OPN3: variants seen among roughly 807,000 people sequenced by gnomAD.
OPN3 encodes opsin-3.
OPN3 carries 29 observed loss-of-function variants against 33.8 expected under a neutral mutation model. The observed-to-expected ratio is 0.86, with a 90% CI of 0.64 to 1.17. The LOEUF is 1.17. OPN3 is among the 50% of genes most tolerant of loss of function. The pLI is 0.00. For missense variants in OPN3, 437 were observed against 514.1 expected, an observed-to-expected ratio of 0.85 and a Z score of 1.45; for synonymous variants, 216 against 216.1, an observed-to-expected ratio of 1.00 and a Z score of 0.00.
intron 1 of OPN3, chr1:241,633,782 G>A (rs772627535): frequency 5.0e-6 from 8 of 1,612,062 alleles, no homozygotes; most frequent in East Asian, 2.2e-5. Flanking sequence ...ACAGCATTTC[G>A]AGATTGCTCT....
intron 1 of OPN3, among the ~76,000 whole-genome samples, chr1:241,610,014 C>T (rs893179534): frequency 6.6e-6 from 1 of 152,162 alleles, no homozygotes; most frequent in Non-Finnish European, 1.5e-5. Flanking sequence ...CATTTTTTGT[C>T]TTAAGTTTAA....
At chr1:241,603,341 G>C (rs755906675) in intron 2 of OPN3, among the ~76,000 whole-genome samples, 1 of 152,130 alleles carries the variant, frequency 6.6e-6, no homozygotes, top group African/African-American at 2.4e-5. Context: ...GAGACAGTAG[G>C]GTGAGAAATT....
chr1:241,622,400 C>T (rs1419857370), intron 1 of OPN3, among the ~76,000 whole-genome samples: 1 of 152,094 alleles, frequency 6.6e-6, no homozygotes, highest in Non-Finnish European at 1.5e-5. Flanking sequence ...TATAACTTGC[C>T]AAAATACTCA....
intron 1 of OPN3, among the ~76,000 whole-genome samples, chr1:241,608,704 T>C (rs993324062): frequency 1.3e-5 from 2 of 152,250 alleles, no homozygotes; most frequent in Non-Finnish European, 2.9e-5. Flanking sequence ...CTTTAACATT[T>C]ACTAATATCG....
intron 1 of OPN3, among the ~76,000 whole-genome samples, chr1:241,611,964 G>A (rs1280823903): frequency 6.6e-6 from 1 of 152,286 alleles, no homozygotes; most frequent in East Asian, 1.9e-4. Flanking sequence ...AAGGAGAGAC[G>A]AGGAAGGTCC....
At chr1:241,625,824 G>A (rs1005209819) in intron 1 of OPN3, among the ~76,000 whole-genome samples, 2 of 152,142 alleles carry the variant, frequency 1.3e-5, no homozygotes, top group Admixed American at 6.5e-5. Flanking sequence ...TCAACTTGGC[G>A]CTTATCGATA....
At position 241,640,206 on chromosome 1, in the gene OPN3, C is replaced by T; in HGVS notation, c.49G>A (p.Gly17Arg). The change falls in exon 1 of 4, where the codon GGG becomes AGG. Residue 17 changes from glycine (G) to arginine (R), a missense_variant. By Grantham distance (125) the Gly-to-Arg change is moderately radical. Transcript: ENST00000366554. The stretch of plus-strand genomic sequence containing the variant: ...GCCGGCCCCTCAGCGCCCGCGGCCC[C>T]GCCGCCGTCCCAGTAGCCGTGGCCG... ...SGGHGYWDGGGAAGAEGPAPA... is the reference protein window; with the variant it reads ...SGGHGYWDGGRAAGAEGPAPA... The T allele has an allele frequency of 2.2e-6, 3 of 1,360,808 alleles. No homozygotes were observed. The highest frequency in any genetic ancestry group is 2.8e-6 in the Non-Finnish European group (3 of 1,063,652). 84.3% of individuals were successfully genotyped at this position (1,360,808 alleles called of 1,614,324 possible).
At chr1:241,627,605 T>C (rs1558444843) in intron 1 of OPN3, among the ~76,000 whole-genome samples, 1 of 152,232 alleles carries the variant, frequency 6.6e-6, no homozygotes, top group African/African-American at 2.4e-5. Context: ...ATTTTTGTTA[T>C]AGCCAAATTC....
chr1:241,607,111 CAT>C (rs1396080525), intron 1 of OPN3, among the ~76,000 whole-genome samples: 4 of 152,226 alleles, frequency 2.6e-5, no homozygotes, highest in East Asian at 1.9e-4. Flanking sequence ...GTCTCACACA[CAT>C]GGCATCCAAT....
rs770842729 is a variant in OPN3, at chr1:241,597,810, G to A, written c.881C>T (p.Ser294Leu). The A allele has an allele frequency of 6.2e-6, 10 of 1,613,558 alleles. No homozygotes were observed. The highest frequency in any genetic ancestry group is 5.5e-5 in the South Asian group (5 of 91,046). Reference sequence around the variant, plus strand: ...AGTGTTCGATTTAGCAAAGAGGTACGAAACAATAGATATTGTTGGAGTGAC... The same window carrying A: ...AGTGTTCGATTTAGCAAAGAGGTACAAAACAATAGATATTGTTGGAGTGAC... The part of the protein sequence containing the change: ...HLVTPTISIV[S>L]YLFAKSNTVY... The change falls in exon 3 of 4, where the codon TCG becomes TTG. Residue 294 changes from serine (S) to leucine (L), a missense_variant. By Grantham distance (145) the Ser-to-Leu change is moderately radical. Coordinates refer to ENST00000366554, the MANE Select transcript of OPN3 (RefSeq NM_014322.3).
At position 241,594,156 on chromosome 1, in the gene OPN3, A is replaced by G. The variant is rs1468286073; in HGVS notation, c.*272T>C. 1 of 367,236 alleles carries G rather than the reference A, an allele frequency of 2.7e-6. No individual in the cohort carries two copies. Among genetic ancestry groups the G allele is most frequent in the Non-Finnish European group, 4.8e-6 (1 of 206,354 alleles). 22.7% of individuals were successfully genotyped at this position (367,236 alleles called of 1,614,324 possible). ...TTTAAAAAATATATTTGAAATGAAA[A>G]TCTCCAACACATTAGAAGATGATGA... On this transcript the variant is annotated 3_prime_UTR_variant, in exon 4 of 4. Transcript: ENST00000366554.
At chr1:241,595,560 C>T (rs1663481547) in intron 3 of OPN3, 1 of 152,070 alleles carries the variant, frequency 6.6e-6, no homozygotes, top group Admixed American at 6.6e-5. Flanking sequence ...AATTGTTATC[C>T]CATTATTTAG....
intron 1 of OPN3, among the ~76,000 whole-genome samples, chr1:241,605,882 T>C (rs1663817378): frequency 1.3e-5 from 2 of 152,258 alleles, no homozygotes; most frequent in African/African-American, 4.8e-5. Context: ...AACTTCTAGC[T>C]AACGTTTGTG....
chr1:241,598,667 T>A (rs1663601576), intron 2 of OPN3, among the ~76,000 whole-genome samples: 3 of 152,166 alleles, frequency 2.0e-5, no homozygotes, highest in African/African-American at 7.2e-5. Flanking sequence ...ATTAAAGGGA[T>A]GGAGGAGTAA....
At chr1:241,635,223 A>G (rs754599294) in intron 1 of OPN3, 8 of 1,613,556 alleles carry the variant, frequency 5.0e-6, no homozygotes, top group Middle Eastern at 1.7e-4. Flanking sequence ...TTATCTCCAC[A>G]ATACTTTTCC....
Position 241,597,877 on chromosome 1 carries a change from T to C in OPN3, c.814A>G (p.Ile272Val). The C allele has an allele frequency of 6.2e-7, 1 of 1,613,962 alleles. No homozygotes were observed. Among genetic ancestry groups the C allele is most frequent in the Non-Finnish European group, 8.5e-7 (1 of 1,179,982 alleles). The change falls in exon 3 of 4, where the codon ATC (isoleucine) becomes GTC (valine). Residue 272 changes from isoleucine (I) to valine (V), a missense_variant. Physicochemically the swap from Ile to Val is conservative, Grantham distance 29. Coordinates refer to ENST00000366554, the MANE Select transcript of OPN3 (RefSeq NM_014322.3). ...FTFLVCWMPY[I>V]VICFLVVNGH... ...TTAACCACCAAGAAGCAGATCACGA[T>C]ATAAGGCATCCAACAGACCAGGAAG...
At chr1:241,631,907 A>G (rs1664650331) in intron 1 of OPN3, 1 of 152,156 alleles carries the variant, frequency 6.6e-6, no homozygotes, top group South Asian at 2.1e-4. Flanking sequence ...TAGAAAGATC[A>G]AAGGTTTTAG....
In OPN3 at chr1:241,604,523, C is replaced by G. The variant is rs1447943858; in HGVS notation, c.430G>C (p.Val144Leu). The stretch of plus-strand genomic sequence containing the variant: ...GAAAAATTGATCACTCTGGCATGGA[C>G]CACGCGAATGTAACGTTCATAGGCC... ...VLAYERYIRV[V>L]HARVINFSWA... Residue 144 changes from valine (V) to leucine (L), a missense_variant, in exon 2 of 4, where the codon GTC becomes CTC. Transcript: ENST00000366554. The G allele has an allele frequency of 6.2e-6, 10 of 1,614,066 alleles. No homozygotes were observed. The highest frequency in any genetic ancestry group is 8.5e-6 in the Non-Finnish European group (10 of 1,180,008).
rs780984598 is a variant in OPN3, at chr1:241,604,459, G to A, written c.494C>T (p.Ser165Leu). ...WRAITYIWLY[S>L]LAWAGAPLLG... ...GAGAGGTGCTCCTGCCCACGCCAGT[G>A]AGTAGAGCCAGATGTAGGTAATGGC... Residue 165 changes from serine (S) to leucine (L), a missense_variant, in exon 2 of 4, where the codon TCA becomes TTA. Transcript: ENST00000366554. The A allele has an allele frequency of 5.0e-6, 8 of 1,614,184 alleles. No homozygotes were observed. In the South Asian group the frequency reaches 7.7e-5, roughly 16 times the overall value.
Sources: gnomAD v4.1 joint callset for allele counts (sites outside exome capture counted in the v4.1 genomes callset) on GRCh38, gnomAD v4.1.1 for gene constraint, MANE v1.5 for transcripts, NCBI Gene and HGNC (gene_info 2026-07-23, HGNC 2026-07-21) for gene names.